FRY: variants seen among roughly 807,000 people sequenced by gnomAD.
The protein encoded by FRY is protein furry homolog.
FRY carries 128 observed loss-of-function variants against 348.4 expected under a neutral mutation model. The observed-to-expected ratio is 0.37, with a 90% CI of 0.32 to 0.43. The LOEUF is 0.43. FRY is among the 20% of genes least tolerant of loss of function. The pLI is 1.00. For missense variants in FRY, 2,736 were observed against 3,695.2 expected (o/e 0.74, Z 6.73); for synonymous variants, 1,370 against 1,374.7 (o/e 1.00, Z 0.08).
chr13:32,196,229 C>T (rs1331144691), intron 29 of FRY, among the ~76,000 whole-genome samples: 1 of 152,144 alleles, frequency 6.6e-6, no homozygotes, highest in Non-Finnish European at 1.5e-5. Flanking sequence ...GTAACTCCTA[C>T]AAGTCATTTT....
chr13:32,104,723 C>T (rs1319933087), intron 3 of FRY, among the ~76,000 whole-genome samples: 1 of 152,190 alleles, frequency 6.6e-6, no homozygotes, highest in Admixed American at 6.5e-5. Flanking sequence ...TCCCACATGT[C>T]ATGGGAGGGA....
At chr13:32,098,425 A>G (rs763131025) in intron 2 of FRY, among the ~76,000 whole-genome samples, 3 of 152,022 alleles carry the variant, frequency 2.0e-5, no homozygotes, top group Non-Finnish European at 4.4e-5. Flanking sequence ...CCTGCCACCT[A>G]GCAGGGATGG....
intron 26 of FRY, 109 bp from the exon 27 acceptor site, chr13:32,186,151 T>C (rs533339021): frequency 8.1e-6 from 7 of 866,100 alleles, no homozygotes; most frequent in African/African-American, 6.7e-5. Context: ...TAAAGAAAAC[T>C]GTAGTTAAAA....
At chr13:32,215,848 G>A (rs1470373761) in intron 35 of FRY, among the ~76,000 whole-genome samples, 2 of 152,172 alleles carry the variant, frequency 1.3e-5, no homozygotes, top group Non-Finnish European at 2.9e-5. Context: ...GGGATTACAG[G>A]TATGAGTGAC....
chr13:32,274,590 G>C (rs1888407173), intron 55 of FRY, among the ~76,000 whole-genome samples: 1 of 150,722 alleles, frequency 6.6e-6, no homozygotes, highest in African/African-American at 2.4e-5. Flanking sequence ...TGTAGTCCCA[G>C]CTACTCGGGA....
chr13:32,169,112 G>A (rs1376241922), intron 17 of FRY, among the ~76,000 whole-genome samples: 4 of 152,136 alleles, frequency 2.6e-5, no homozygotes, highest in Non-Finnish European at 5.9e-5. Flanking sequence ...ACACCTCCAG[G>A]CTACTGAGTT....
chr13:32,090,273 G>T (rs1022447051), intron 2 of FRY, among the ~76,000 whole-genome samples: 8 of 148,650 alleles, frequency 5.4e-5, no homozygotes, highest in African/African-American at 1.7e-4. Context: ...GCGTGAACCC[G>T]GAAGTCGGAG....
At chr13:32,121,154 T>G (rs931741272) in intron 4 of FRY, among the ~76,000 whole-genome samples, 4 of 152,246 alleles carry the variant, frequency 2.6e-5, no homozygotes, top group African/African-American at 9.6e-5. Flanking sequence ...TACCACAGTT[T>G]CTTTATCCAC....
At chr13:32,063,375 T>C (rs1874059022) in intron 1 of FRY, among the ~76,000 whole-genome samples, 1 of 152,218 alleles carries the variant, frequency 6.6e-6, no homozygotes. Context: ...TTGTCGTTTC[T>C]GGCAGGGCTC....
At chr13:32,086,997 C>G (rs999545554) in intron 2 of FRY, among the ~76,000 whole-genome samples, 7 of 152,072 alleles carry the variant, frequency 4.6e-5, no homozygotes, top group Non-Finnish European at 8.8e-5. Flanking sequence ...TGTGGGCTGA[C>G]AGAGTGATAA....
intron 58 of FRY, among the ~76,000 whole-genome samples, chr13:32,282,872 G>A (rs905200735): frequency 6.6e-6 from 1 of 152,154 alleles, no homozygotes; most frequent in Admixed American, 6.5e-5. Flanking sequence ...GCCGAGCGTG[G>A]TGGCTCACGC....
intron 24 of FRY, among the ~76,000 whole-genome samples, chr13:32,183,658 C>A (rs1211367141): frequency 6.6e-6 from 1 of 151,824 alleles, no homozygotes; most frequent in Non-Finnish European, 1.5e-5. Context: ...CGCCTGTAGT[C>A]CCAGCTACTC....
Position 32,283,691 on chromosome 13 carries a change from T to C in FRY, c.8469+5143T>C, listed in dbSNP as rs1286582444. 3.3e-5 allele frequency among the ~76,000 whole-genome samples: 5 copies of C among 152,200 alleles called. No homozygotes were observed. The East Asian group carries it at 9.6e-4, about 29-fold the overall frequency. ...AAAGACAGCCATTATAAGTCAATGA[T>C]TTGGGCTTCTTGGTGATAGTAATAC... is the stretch of plus-strand genomic sequence containing the variant. On this transcript the variant is annotated intron_variant, in intron 58 of 60. Coordinates refer to ENST00000542859, the MANE Select transcript of FRY (RefSeq NM_023037.3).
At chr13:32,234,119 C>CAAAAAA (rs11322238) in intron 41 of FRY, among the ~76,000 whole-genome samples, 5 of 76,174 alleles carry the variant, frequency 6.6e-5, no homozygotes, top group Non-Finnish European at 7.2e-5. Flanking sequence ...ACCCTGTTTC[C>CAAAAAA]AAAAAAAAAA....
At chr13:32,204,135 C>T (rs947138357) in intron 31 of FRY, among the ~76,000 whole-genome samples, 32 of 152,312 alleles carry the variant, frequency 2.1e-4, no homozygotes, top group African/African-American at 7.7e-4. Flanking sequence ...AGTCAGGCAA[C>T]CTTTCACTAG....
chr13:32,148,094 C>T (rs1188167621), intron 13 of FRY, 147 bp downstream of exon 13: 1 of 656,298 alleles, frequency 1.5e-6, no homozygotes, highest in East Asian at 2.7e-5. Context: ...TTTTCACACA[C>T]AGCCTATTCT....
At chr13:32,125,367 A>G (rs1052532490) in intron 7 of FRY, among the ~76,000 whole-genome samples, 1 of 152,232 alleles carries the variant, frequency 6.6e-6, no homozygotes, top group Admixed American at 6.5e-5. Context: ...ATCTGGCCCC[A>G]TAGCACTACT....
chr13:32,161,036 T>C, intron 16 of FRY, 108 bp from the exon 17 acceptor site: 1 of 776,886 alleles, frequency 1.3e-6, no homozygotes, highest in Non-Finnish European at 2.3e-6. Flanking sequence ...AACACCAGGC[T>C]GTGACTCAGA....
intron 2 of FRY, among the ~76,000 whole-genome samples, chr13:32,096,802 CAAAAAAAAAAAAAA>C (rs10680393): frequency 2.6e-5 from 2 of 77,604 alleles, no homozygotes; most frequent in African/African-American, 1.1e-4. Flanking sequence ...GACTCTGTCT[CAAAAAAAAAAAAAA>C]AAAAAAAAAG....
Sources: gnomAD v4.1 joint callset for allele counts (sites outside exome capture counted in the v4.1 genomes callset) on GRCh38, gnomAD v4.1.1 for gene constraint, MANE v1.5 for transcripts, NCBI Gene and HGNC (gene_info 2026-07-23, HGNC 2026-07-21) for gene names.